The following ZNF594 variants were observed in gnomAD, a reference collection of about 807,000 sequenced individuals.
ZNF594 encodes zinc finger protein 594, also known as zinc finger protein HZF18.
For synonymous variants in ZNF594, 336 were observed against 309.4 expected, an observed-to-expected ratio of 1.09 and a Z score of -0.90; for missense variants, 1,037 against 964.6, an observed-to-expected ratio of 1.08 and a Z score of -0.99.
At chr17:5,174,830 T>G (rs375057439), downstream of ZNF594, 30 of 193,702 alleles carry the variant, frequency 1.5e-4, no homozygotes, top group African/African-American at 7.0e-4. Context: ...GACAATGCAC[T>G]GACTTTAGAA....
In ZNF594 at chr17:5,179,914, A is replaced by G. The variant is rs556671213; in HGVS notation, c.*1919T>C. 3.9e-5 allele frequency: 6 copies of G among 152,166 alleles called. No individual in the cohort carries two copies. The highest frequency in any genetic ancestry group is 1.4e-4 in the African/African-American group (6 of 41,500). The allele number at this position is 152,166 out of a possible 1,614,324, so 9.4% of individuals were successfully genotyped here. On this transcript the variant is annotated 3_prime_UTR_variant, in exon 2 of 2. Coordinates refer to ENST00000575779, the MANE Select transcript of ZNF594 (RefSeq NM_032530.2). Reference sequence around the variant, plus strand: ...TAAACATAATCTTTTAAGACACAGGACATAGGGGAGTAAAAAGAAGGCCTT... The same window carrying G: ...TAAACATAATCTTTTAAGACACAGGGCATAGGGGAGTAAAAAGAAGGCCTT...
In ZNF594 at chr17:5,181,894, G is replaced by A; in HGVS notation, c.2363C>T (p.Pro788Leu). The change falls in exon 2 of 2, where the codon CCA becomes CTA. Residue 788 changes from proline (P) to leucine (L), a missense_variant. Pro to Leu is a moderately conservative substitution (Grantham distance 98). Transcript: ENST00000575779. Reference sequence around the variant, plus strand: ...TTTCCCACATTCTTTACATTCATATGGTTTCTCTCTTGTATGAGTTACCTG... The same window carrying A: ...TTTCCCACATTCTTTACATTCATATAGTTTCTCTCTTGTATGAGTTACCTG... ...RHQVTHTREK[P>L]YECKECGKTQ... 1.2e-6 allele frequency: 2 copies of A among 1,613,984 alleles called. No homozygotes were observed. The highest frequency in any genetic ancestry group is 1.7e-6 in the Non-Finnish European group (2 of 1,179,982).
At chr17:5,176,233 T>G (rs2074306113), downstream of ZNF594, among the ~76,000 whole-genome samples, 2 of 151,844 alleles carry the variant, frequency 1.3e-5, no homozygotes, top group African/African-American at 4.8e-5. Context: ...CCGTCTCTAC[T>G]AAAAATACAA....
At position 5,181,903 on chromosome 17, in the gene ZNF594, C is replaced by G. The variant is rs1567824586; in HGVS notation, c.2354G>C (p.Arg785Thr). Residue 785 changes from arginine to threonine, a missense_variant, in exon 2 of 2, where the codon AGA becomes ACA. By Grantham distance (71) the Arg-to-Thr change is moderately conservative. Transcript: ENST00000575779. The part of the protein sequence containing the change: ...DLIRHQVTHT[R>T]EKPYECKECG... ...TTCTTTACATTCATATGGTTTCTCTCTTGTATGAGTTACCTGATGTCTGAT... is the reference window on the plus strand; with the variant it reads ...TTCTTTACATTCATATGGTTTCTCTGTTGTATGAGTTACCTGATGTCTGAT... 3.7e-6 allele frequency: 6 copies of G among 1,614,044 alleles called. No individual in the cohort carries two copies. The highest frequency in any genetic ancestry group is 5.1e-6 in the Non-Finnish European group (6 of 1,179,996).
At chr17:5,188,669 C>T (rs2074402074) in intron 1 of ZNF594, among the ~76,000 whole-genome samples, 1 of 150,594 alleles carries the variant, frequency 6.6e-6, no homozygotes, top group Non-Finnish European at 1.5e-5. Context: ...AAATTTCAGA[C>T]AAAATAACTC....
rs772945537 is a variant in ZNF594, at chr17:5,183,414, G to C, written c.843C>G (p.His281Gln). The C allele has an allele frequency of 1.2e-6, 2 of 1,613,758 alleles. No homozygotes were observed. Among genetic ancestry groups the C allele is most frequent in the South Asian group, 2.2e-5 (2 of 91,084 alleles). The change falls in exon 2 of 2, where the codon CAC becomes CAG. Residue 281 changes from histidine to glutamine, a missense_variant. Coordinates refer to ENST00000575779, the MANE Select transcript of ZNF594 (RefSeq NM_032530.2). ...DCGQMFSQSSHLVPHQRIHTG... is the reference protein window; with the variant it reads ...DCGQMFSQSSQLVPHQRIHTG... The stretch of plus-strand genomic sequence containing the variant: ...TGTGAATTCTCTGATGTGGGACAAG[G>C]TGTGAACTTTGACTGAACATCTGTC...
At position 5,183,701 on chromosome 17, in the gene ZNF594, G is replaced by A. The variant is rs866942157; in HGVS notation, c.556C>T (p.His186Tyr). The A allele has an allele frequency of 6.2e-7, 1 of 1,614,058 alleles. No homozygotes were observed. Among genetic ancestry groups the A allele is most frequent in the Non-Finnish European group, 8.5e-7 (1 of 1,180,030 alleles). Residue 186 changes from histidine (H) to tyrosine (Y), a missense_variant, in exon 2 of 2, where the codon CAT becomes TAT. Transcript: ENST00000575779. The stretch of plus-strand genomic sequence containing the variant: ...TGATTGAAGTCTTTTCCACATTCAT[G>A]ACATATATAAGGTTTCTTTCCTGTA... ...IHTGKKPYICHECGKDFNQSS... is the reference protein window; with the variant it reads ...IHTGKKPYICYECGKDFNQSS...
intron 1 of ZNF594, among the ~76,000 whole-genome samples, chr17:5,185,502 GAC>G (rs1353368115): frequency 2.0e-5 from 3 of 152,246 alleles, no homozygotes; most frequent in Non-Finnish European, 2.9e-5. Context: ...CTTGAGTGGG[GAC>G]ACAGAGCCAA....
chr17:5,178,539 G>C (rs1307878306), downstream of ZNF594, among the ~76,000 whole-genome samples: 1 of 152,036 alleles, frequency 6.6e-6, no homozygotes, highest in Non-Finnish European at 1.5e-5. Context: ...AGGTGTGATG[G>C]GGACAATAAA....
chr17:5,186,058 T>C (rs1424878926), intron 1 of ZNF594, among the ~76,000 whole-genome samples: 3 of 152,198 alleles, frequency 2.0e-5, no homozygotes, highest in South Asian at 2.1e-4. Context: ...CTGGAGGTCA[T>C]TGGCCCTCTT....
chr17:5,177,569 T>C (rs1265223577), downstream of ZNF594, among the ~76,000 whole-genome samples: 3 of 151,860 alleles, frequency 2.0e-5, no homozygotes, highest in African/African-American at 7.3e-5. Flanking sequence ...CCGGGCACTG[T>C]GGCTCACACC....
downstream of ZNF594, among the ~76,000 whole-genome samples, chr17:5,175,245 G>T (rs188976798): frequency 6.6e-6 from 1 of 152,138 alleles, no homozygotes; most frequent in Admixed American, 6.5e-5. Flanking sequence ...ATTTATAGCC[G>T]CTCCCCCTTG....
intron 1 of ZNF594, among the ~76,000 whole-genome samples, chr17:5,190,997 T>G (rs974460693): frequency 6.6e-5 from 10 of 152,208 alleles, no homozygotes; most frequent in African/African-American, 2.4e-4. Context: ...ACTGCATTTG[T>G]AACCAATTAA....
downstream of ZNF594, chr17:5,174,809 TA>T (rs1715955818): frequency 5.1e-6 from 1 of 196,246 alleles, no homozygotes; most frequent in African/African-American, 2.3e-5. Flanking sequence ...AATTACTGTA[TA>T]AAACTTGTTG....
At position 5,183,703 on chromosome 17, in the gene ZNF594, CAT is replaced by C. The variant is rs751880970; in HGVS notation, c.552_553del (p.Ile184MetfsTer3). Reference sequence around the variant, plus strand: ...ATTGAAGTCTTTTCCACATTCATGACATATATAAGGTTTCTTTCCTGTATGAA... The same window carrying C: ...ATTGAAGTCTTTTCCACATTCATGACATATAAGGTTTCTTTCCTGTATGAA... On this transcript the variant is annotated frameshift_variant, in exon 2 of 2. Transcript: ENST00000575779. LOFTEE classifies it low-confidence loss of function (END_TRUNC). 6.2e-7 allele frequency: 1 copy of C among 1,614,104 alleles called. No homozygotes were observed. Among genetic ancestry groups the C allele is most frequent in the South Asian group, 1.1e-5 (1 of 91,076 alleles).
At chr17:5,175,450 GA>G (rs1255816922), downstream of ZNF594, among the ~76,000 whole-genome samples, 2 of 152,092 alleles carry the variant, frequency 1.3e-5, no homozygotes, top group African/African-American at 4.8e-5. Flanking sequence ...CCAGTCCGTG[GA>G]AAAATTGTCT....
At chr17:5,179,422 C>T, downstream of ZNF594, 1 of 170,302 alleles carries the variant, frequency 5.9e-6, no homozygotes, top group Non-Finnish European at 1.3e-5. Context: ...CCTGGAGATG[C>T]AGCCTGAGAA....
rs1468623168 is a variant in ZNF594 at position 5,182,676 on chromosome 17, C to G, written c.1581G>C (p.Trp527Cys). ...TCTGATGTTTGAGGAAAGCTGTGCGCCAAATGAAGAGCTTCCCACATTCCT... is the reference window on the plus strand; with the variant it reads ...TCTGATGTTTGAGGAAAGCTGTGCGGCAAATGAAGAGCTTCCCACATTCCT... ...ECKECGKLFI[W>C]RTAFLKHQSL... The change falls in exon 2 of 2, where the codon TGG (tryptophan) becomes TGC (cysteine). Residue 527 changes from tryptophan (W) to cysteine (C), a missense_variant. Trp to Cys is a radical substitution (Grantham distance 215, BLOSUM62 -2). Coordinates refer to ENST00000575779, the MANE Select transcript of ZNF594 (RefSeq NM_032530.2). 6.2e-7 allele frequency: 1 copy of G among 1,613,920 alleles called. No individual in the cohort carries two copies. The highest frequency in any genetic ancestry group is 8.5e-7 in the Non-Finnish European group (1 of 1,179,978).
At position 5,181,270 on chromosome 17, in the gene ZNF594, G is replaced by A; in HGVS notation, c.*563C>T. The stretch of plus-strand genomic sequence containing the variant: ...CTGTGAATTCTATGATGTCTCAGAA[G>A]GTCTGAGCTCTGATTGAAAGTTTTC... On this transcript the variant is annotated 3_prime_UTR_variant, in exon 2 of 2. Transcript: ENST00000575779. The A allele has an allele frequency of 1.9e-6, 3 of 1,612,528 alleles. No homozygotes were observed. Among genetic ancestry groups the A allele is most frequent in the East Asian group, 2.2e-5 (1 of 44,866 alleles).
Sources: allele counts gnomAD v4.1 joint callset (sites outside exome capture counted in the v4.1 genomes callset), GRCh38; gene constraint gnomAD v4.1.1; transcripts MANE v1.5; gene names NCBI Gene and HGNC (gene_info 2026-07-23, HGNC 2026-07-21).